TBC1D9: variants seen among roughly 807,000 people sequenced by gnomAD.
TBC1D9 encodes the protein TBC1 domain family member 9.
In TBC1D9, 63 loss-of-function variants were observed where a neutral mutation model predicts 132.0. The observed-to-expected ratio is 0.48, with a 90% CI of 0.39 to 0.59. The LOEUF is 0.59. Among genes scored for constraint, TBC1D9 ranks in the 20% least tolerant of loss-of-function variants. TBC1D9 has a pLI of 0.00. For synonymous variants in TBC1D9, 610 were observed against 609.9 expected (o/e 1.00, Z 0.00); for missense variants, 1,261 against 1,592.7 (o/e 0.79, Z 3.54).
intron 9 of TBC1D9, among the ~76,000 whole-genome samples, chr4:140,665,961 A>T (rs1159236143): frequency 1.3e-5 from 2 of 151,956 alleles, no homozygotes; most frequent in African/African-American, 4.8e-5. Context: ...TGGGATTACA[A>T]GCATGAGCCA....
At chr4:140,730,667 A>G (rs1738574621) in intron 1 of TBC1D9, among the ~76,000 whole-genome samples, 1 of 152,220 alleles carries the variant, frequency 6.6e-6, no homozygotes, top group South Asian at 2.1e-4. Context: ...GCAGGGTTGT[A>G]ATGAGCCTAG....
At chr4:140,739,725 G>T (rs577937238) in intron 1 of TBC1D9, among the ~76,000 whole-genome samples, 87 of 152,284 alleles carry the variant, frequency 5.7e-4, no homozygotes, top group African/African-American at 2.0e-3. Flanking sequence ...CATTAAAGCT[G>T]GGCACAGCGG....
intron 1 of TBC1D9, among the ~76,000 whole-genome samples, chr4:140,736,532 T>C (rs891324658): frequency 6.6e-6 from 1 of 152,008 alleles, no homozygotes; most frequent in African/African-American, 2.4e-5. Flanking sequence ...AGAGTGAGAC[T>C]GTATCTCAAA....
intron 1 of TBC1D9, among the ~76,000 whole-genome samples, chr4:140,710,809 C>A (rs1226577214): frequency 1.3e-5 from 2 of 152,160 alleles, no homozygotes; most frequent in Non-Finnish European, 2.9e-5. Flanking sequence ...CTAATCAGGA[C>A]CAACTACATA....
intron 10 of TBC1D9, among the ~76,000 whole-genome samples, chr4:140,660,222 T>A (rs775833838): frequency 6.6e-6 from 1 of 152,356 alleles, no homozygotes; most frequent in African/African-American, 2.4e-5. Context: ...CGGAGAGAGA[T>A]GGTAGTGATA....
intron 13 of TBC1D9, chr4:140,643,008 T>C (rs960054174): frequency 1.0e-5 from 8 of 787,532 alleles, no homozygotes; most frequent in Non-Finnish European, 1.6e-5. Context: ...TTCCAGGACG[T>C]CCATGTCCTC....
At chr4:140,686,574 G>C (rs1203132853) in intron 2 of TBC1D9, 112 bp from the exon 3 acceptor site, 2 of 658,728 alleles carry the variant, frequency 3.0e-6, no homozygotes, top group Non-Finnish European at 5.2e-6. Context: ...ATCGGACCAA[G>C]AGCTTTGCCT....
chr4:140,752,882 C>G (rs573717620), intron 1 of TBC1D9, among the ~76,000 whole-genome samples: 1 of 152,292 alleles, frequency 6.6e-6, no homozygotes, highest in African/African-American at 2.4e-5. Flanking sequence ...CCAGTTCACA[C>G]TGGGCAAGTT....
At chr4:140,696,347 C>T (rs1202343829) in intron 2 of TBC1D9, among the ~76,000 whole-genome samples, 1 of 148,184 alleles carries the variant, frequency 6.7e-6, no homozygotes, top group African/African-American at 2.5e-5. Context: ...ATCCCAGCTA[C>T]TCGGGAGGTT....
intron 1 of TBC1D9, 35 bp from the exon 2 acceptor site, chr4:140,701,649 T>C: frequency 6.5e-7 from 1 of 1,545,584 alleles, no homozygotes; most frequent in Non-Finnish European, 8.9e-7. Flanking sequence ...CAGGTAAGAA[T>C]TGCCTTAGTA....
At chr4:140,676,462 G>T (rs1737626294) in intron 6 of TBC1D9, among the ~76,000 whole-genome samples, 1 of 152,188 alleles carries the variant, frequency 6.6e-6, no homozygotes, top group Non-Finnish European at 1.5e-5. Flanking sequence ...AGACCAGTCT[G>T]CCCAACATGG....
chr4:140,662,341 A>T (rs1737375096), intron 9 of TBC1D9, among the ~76,000 whole-genome samples: 1 of 152,082 alleles, frequency 6.6e-6, no homozygotes, highest in Non-Finnish European at 1.5e-5. Flanking sequence ...AACTTTCCTA[A>T]GGTAGAGGTT....
At chr4:140,746,519 A>G (rs984886120) in intron 1 of TBC1D9, among the ~76,000 whole-genome samples, 1 of 152,184 alleles carries the variant, frequency 6.6e-6, no homozygotes, top group African/African-American at 2.4e-5. Flanking sequence ...CATGCTACTG[A>G]TAAAGACATA....
chr4:140,645,593 T>C (rs1280827202), intron 13 of TBC1D9: 2 of 261,700 alleles, frequency 7.6e-6, no homozygotes, highest in Non-Finnish European at 1.5e-5. Context: ...GTAAGAATGG[T>C]TCTAAAACCA....
Position 140,657,604 on chromosome 4 carries a change from G to T in TBC1D9, c.2130C>A (p.Ala710=). 1 of 1,613,948 alleles carries T rather than the reference G, an allele frequency of 6.2e-7. No individual in the cohort carries two copies. Residue 710 remains alanine (A), a synonymous_variant, in exon 12 of 21, where the codon GCC becomes GCA. Coordinates refer to ENST00000442267, the MANE Select transcript of TBC1D9 (RefSeq NM_015130.3). The part of the protein sequence containing the change: ...YEGIKVIFQL[A]LAVLDANVDK... ...CCACATTTGCATCCAGCACAGCTAGGGCCAACTGGAATATCACTTTAATTC... is the reference window on the plus strand; with the variant it reads ...CCACATTTGCATCCAGCACAGCTAGTGCCAACTGGAATATCACTTTAATTC...
At chr4:140,689,376 GCTTCCCTTCCTCCTTCCTTCCCCGCTTCC>G in intron 2 of TBC1D9, among the ~76,000 whole-genome samples, 1 of 151,466 alleles carries the variant, frequency 6.6e-6, no homozygotes, top group Non-Finnish European at 1.5e-5. Flanking sequence ...TGCTTTCAAA[GCTTCCCTTCCTCCTTCCTTCCCCGCTTCC>G]CTTCCCTTCC....
At chr4:140,645,275 A>C in intron 13 of TBC1D9, 1 of 522,890 alleles carries the variant, frequency 1.9e-6, no homozygotes, top group East Asian at 5.2e-5. Flanking sequence ...GTGCTCTTTC[A>C]CATTACTCAG....
At chr4:140,654,581 G>A (rs1403585964) in intron 13 of TBC1D9, among the ~76,000 whole-genome samples, 1 of 152,084 alleles carries the variant, frequency 6.6e-6, no homozygotes, top group African/African-American at 2.4e-5. Context: ...TAACAATAAA[G>A]GTCTGAGGAT....
chr4:140,628,223 C>T (rs1021662927), intron 17 of TBC1D9, 77 bp downstream of exon 17: 2 of 1,251,694 alleles, frequency 1.6e-6, no homozygotes, highest in South Asian at 1.2e-5. Context: ...AGAGGACGAT[C>T]AGGTTACACC....
Sources: allele counts gnomAD v4.1 joint callset (sites outside exome capture counted in the v4.1 genomes callset), GRCh38; gene constraint gnomAD v4.1.1; transcripts MANE v1.5; gene names NCBI Gene and HGNC (gene_info 2026-07-23, HGNC 2026-07-21).